The following ANKRD26 variants were observed in gnomAD, a reference collection of about 807,000 sequenced individuals.
The protein encoded by ANKRD26 is ankyrin repeat domain-containing protein 26.
In ANKRD26, 141 loss-of-function variants were observed where a neutral mutation model predicts 208.7. The ratio of observed to expected loss-of-function variants is 0.68; its 90% CI spans 0.59 to 0.78. The LOEUF is 0.78. ANKRD26 is among the 30% of genes least tolerant of loss of function. The pLI is 0.00. For synonymous variants in ANKRD26, 636 were observed against 660.4 expected, an observed-to-expected ratio of 0.96 and a Z score of 0.57; for missense variants, 1,889 against 1,938.7, an observed-to-expected ratio of 0.97 and a Z score of 0.48.
chr10:27,007,163 A>G (rs2052917319), intron 32 of ANKRD26, among the ~76,000 whole-genome samples: 1 of 152,198 alleles, frequency 6.6e-6, no homozygotes. Flanking sequence ...AATGTTGTTT[A>G]ATCTGATAAA....
At chr10:27,048,350 A>G (rs77489997) in intron 17 of ANKRD26, among the ~76,000 whole-genome samples, 2,495 of 152,274 alleles carry the variant, frequency 0.016, 155 homozygotes, top group East Asian at 0.16. Context: ...TTATACATAT[A>G]TTATACATAG....
the ANKRD26 span, among the ~76,000 whole-genome samples, chr10:26,955,300 T>C: frequency 3.3e-5 from 5 of 151,980 alleles, no homozygotes; most frequent in Non-Finnish European, 7.4e-5. Flanking sequence ...TGGTGGCACA[T>C]GCCTGTAATC....
At chr10:27,000,969 C>T (rs1411043996), downstream of ANKRD26, among the ~76,000 whole-genome samples, 1 of 152,188 alleles carries the variant, frequency 6.6e-6, no homozygotes, top group Non-Finnish European at 1.5e-5. Context: ...GATCACGCCA[C>T]TGCACTACAG....
At chr10:27,076,708 A>G (rs2135569902) in intron 9 of ANKRD26, among the ~76,000 whole-genome samples, 1 of 152,346 alleles carries the variant, frequency 6.6e-6, no homozygotes, top group South Asian at 2.1e-4. Flanking sequence ...GCTCAAGACT[A>G]CTATAAAAAC....
At position 27,037,927 on chromosome 10, in the gene ANKRD26, G is replaced by A. The variant is rs763670916; in HGVS notation, c.2503C>T (p.Leu835=). The A allele has an allele frequency of 4.3e-6, 7 of 1,613,226 alleles. No individual in the cohort carries two copies. The highest frequency in any genetic ancestry group is 1.7e-4 in the Middle Eastern group (1 of 5,990). ...KEVEVKQQLE[L]SLQTLEMELR... ...TCCATCTCCAGTGTTTGGAGACTCA[G>A]TTCAAGCTGTTGTTTCACTTCAACT... The change falls in exon 22 of 34, where the codon CTG becomes TTG. Residue 835 remains leucine, a synonymous_variant. Transcript: ENST00000376087.
At chr10:26,958,413 T>A in the ANKRD26 span, among the ~76,000 whole-genome samples, 3 of 152,070 alleles carry the variant, frequency 2.0e-5, no homozygotes, top group African/African-American at 7.2e-5. Context: ...AAGCCCAACA[T>A]CCATTAGCTA....
intron 23 of ANKRD26, among the ~76,000 whole-genome samples, chr10:27,035,966 A>G (rs1341036792): frequency 6.6e-6 from 1 of 152,098 alleles, no homozygotes; most frequent in African/African-American, 2.4e-5. Context: ...TTAATCCATG[A>G]AAGTAAAAAA....
At chr10:27,043,924 T>C (rs2054352043) in intron 19 of ANKRD26, among the ~76,000 whole-genome samples, 1 of 151,978 alleles carries the variant, frequency 6.6e-6, no homozygotes, top group African/African-American at 2.4e-5. Context: ...CCCAAGTAGC[T>C]GGGACTACAG....
intron 29 of ANKRD26, among the ~76,000 whole-genome samples, chr10:27,019,914 GTC>G (rs915128972): frequency 6.6e-6 from 1 of 152,218 alleles, no homozygotes; most frequent in Non-Finnish European, 1.5e-5. Context: ...AGGACAGCTT[GTC>G]TCTGTTCCCC....
intron 12 of ANKRD26, among the ~76,000 whole-genome samples, chr10:27,063,597 A>T (rs2055141580): frequency 6.6e-6 from 1 of 152,214 alleles, no homozygotes; most frequent in African/African-American, 2.4e-5. Context: ...TTGGGATTAC[A>T]GGCATAAGCC....
At chr10:27,029,142 G>T (rs142617940) in intron 26 of ANKRD26, 144 bp downstream of exon 26, 3 of 1,113,762 alleles carry the variant, frequency 2.7e-6, no homozygotes, top group African/African-American at 1.6e-5. Context: ...AAAAAAATCC[G>T]CATTTCAAAA....
At chr10:27,020,354 G>A (rs535496670) in intron 29 of ANKRD26, among the ~76,000 whole-genome samples, 18 of 151,722 alleles carry the variant, frequency 1.2e-4, no homozygotes, top group Non-Finnish European at 1.8e-4. Context: ...AACTGTATTC[G>A]CCCTGTGGTG....
At chr10:27,095,961 T>C (rs976948111) in intron 1 of ANKRD26, among the ~76,000 whole-genome samples, 1 of 152,154 alleles carries the variant, frequency 6.6e-6, no homozygotes, top group Non-Finnish European at 1.5e-5. Context: ...ACTTTTCATA[T>C]GGGATCCCAA....
chr10:27,057,374 G>T (rs1376670680), intron 15 of ANKRD26, among the ~76,000 whole-genome samples: 1 of 151,716 alleles, frequency 6.6e-6, no homozygotes, highest in East Asian at 1.9e-4. Flanking sequence ...TACCTATTTT[G>T]TTTTCCATAA....
At chr10:27,054,351 G>A (rs1589292316) in intron 15 of ANKRD26, among the ~76,000 whole-genome samples, 1 of 152,082 alleles carries the variant, frequency 6.6e-6, no homozygotes, top group Non-Finnish European at 1.5e-5. Flanking sequence ...TTGGGAGGTC[G>A]AGGTGGGTGG....
intron 32 of ANKRD26, among the ~76,000 whole-genome samples, chr10:27,008,078 T>C (rs2052954472): frequency 6.6e-6 from 1 of 152,004 alleles, no homozygotes; most frequent in Non-Finnish European, 1.5e-5. Context: ...TTTCAAACTA[T>C]ATTGCAAGTG....
Position 27,078,910 on chromosome 10 carries a change from T to TA in ANKRD26, c.813+178dup, listed in dbSNP as rs71281564. Among the ~76,000 whole-genome samples the TA allele has an allele frequency of 5.4e-3, 403 of 74,550 alleles. No individual in the cohort carries two copies. Among genetic ancestry groups the TA allele is most frequent in the African/African-American group, 0.01 (192 of 18,558 alleles). 48.9% of individuals were successfully genotyped at this position (74,550 alleles called of 152,430 possible). A position where few individuals can be genotyped will look rare whatever the true frequency, so the allele number is the denominator to read the frequency against. ...ATCAATCCTTTGTTATTTACCAAAG[T>TA]AAAAAAAAAAAAAAAAAAAGAATTC... On this transcript the variant is annotated intron_variant, in intron 7 of 33. Coordinates refer to ENST00000376087, the MANE Select transcript of ANKRD26 (RefSeq NM_014915.3).
At chr10:26,991,172 C>T (rs925903282), downstream of ANKRD26, among the ~76,000 whole-genome samples, 5 of 152,170 alleles carry the variant, frequency 3.3e-5, no homozygotes, top group Non-Finnish European at 5.9e-5. Context: ...ATCGTCCCAT[C>T]GTTTAGGGTG....
At chr10:26,982,605 A>G (rs74128511) in intron 4 of ANKRD26, among the ~76,000 whole-genome samples, 3,255 of 152,012 alleles carry the variant, frequency 0.021, 175 homozygotes, top group East Asian at 0.17. Flanking sequence ...TTTAAAAAAA[A>G]AAAACAGGAG....
Sources: gnomAD v4.1 joint callset for allele counts (sites outside exome capture counted in the v4.1 genomes callset) on GRCh38, gnomAD v4.1.1 for gene constraint, MANE v1.5 for transcripts, NCBI Gene and HGNC (gene_info 2026-07-23, HGNC 2026-07-21) for gene names.